Variants in RORA observed in about 807,000 individuals in gnomAD.
RORA encodes the protein RAR related orphan receptor A, also known as nuclear receptor ROR-alpha.
RORA carries 7 observed loss-of-function variants against 69.5 expected under a neutral mutation model. That is an observed-to-expected ratio of 0.10 (90% CI 0.06 to 0.19). The LOEUF (loss-of-function observed/expected upper bound fraction) is 0.19. Ranked by LOEUF, RORA falls within the 10% of genes least tolerant of loss-of-function variation. The pLI is 1.00. For synonymous variants in RORA, 261 were observed against 240.8 expected, an observed-to-expected ratio of 1.08 and a Z score of -0.78; for missense variants, 457 against 663.0, an observed-to-expected ratio of 0.69 and a Z score of 3.41.
At chr15:60,694,061 A>G (rs2070867863) in intron 1 of RORA, among the ~76,000 whole-genome samples, 1 of 152,228 alleles carries the variant, frequency 6.6e-6, no homozygotes, top group Non-Finnish European at 1.5e-5. Flanking sequence ...ACAAGGCTAC[A>G]GTAACCAAAA....
chr15:61,140,491 T>C (rs990975979), intron 1 of RORA, among the ~76,000 whole-genome samples: 4 of 152,172 alleles, frequency 2.6e-5, no homozygotes, highest in Non-Finnish European at 5.9e-5. Flanking sequence ...ACTTTTTAAT[T>C]GTTATCTGCT....
intron 1 of RORA, among the ~76,000 whole-genome samples, chr15:60,724,746 C>G (rs1403478157): frequency 1.3e-5 from 2 of 152,122 alleles, no homozygotes; most frequent in Non-Finnish European, 2.9e-5. Context: ...ATTTTGAGTA[C>G]CTGGAGGCAT....
At chr15:60,836,574 C>G (rs923362891) in intron 1 of RORA, among the ~76,000 whole-genome samples, 1 of 152,140 alleles carries the variant, frequency 6.6e-6, no homozygotes, top group Non-Finnish European at 1.5e-5. Context: ...GGTCTAAGCT[C>G]CCTCTCCGAT....
chr15:60,830,543 C>T (rs1219629752), intron 1 of RORA, among the ~76,000 whole-genome samples: 2 of 152,064 alleles, frequency 1.3e-5, no homozygotes, highest in Admixed American at 6.5e-5. Flanking sequence ...TTAATAAATC[C>T]CTAAATCACT....
At chr15:61,042,660 C>A (rs139378756) in intron 1 of RORA, among the ~76,000 whole-genome samples, 10 of 152,328 alleles carry the variant, frequency 6.6e-5, no homozygotes, top group African/African-American at 2.4e-4. Context: ...AACTCAATAG[C>A]GGATGATGCC....
intron 1 of RORA, among the ~76,000 whole-genome samples, chr15:61,152,294 G>A (rs1454826696): frequency 1.3e-5 from 2 of 152,030 alleles, no homozygotes; most frequent in Non-Finnish European, 2.9e-5. Context: ...TCAATGAAAA[G>A]AAGCTACTAG....
At chr15:61,211,297 A>AT (rs5813085) in intron 1 of RORA, among the ~76,000 whole-genome samples, 15,737 of 150,822 alleles carry the variant, frequency 0.1, 1,495 homozygotes, top group East Asian at 0.23. Context: ...AAAAAAAAAA[A>AT]AAAAAAGGAT....
At position 61,044,585 on chromosome 15, in the gene RORA, A is replaced by C. The variant is rs1896936752; in HGVS notation, c.166+184468T>G. Among the ~76,000 whole-genome samples, 3 of 152,240 alleles carry C rather than the reference A, an allele frequency of 2.0e-5. No individual in the cohort carries two copies. In the South Asian group the frequency reaches 6.2e-4, roughly 31 times the overall value. ...CTATTTTGGATATATTGAGTTAAAAAATGTATCTCCAAAATTAATTCCACC... is the reference window on the plus strand; with the variant it reads ...CTATTTTGGATATATTGAGTTAAAACATGTATCTCCAAAATTAATTCCACC... On this transcript the variant is annotated intron_variant, in intron 1 of 10. Coordinates refer to ENST00000335670, the MANE Select transcript of RORA (RefSeq NM_134261.3).
intron 1 of RORA, among the ~76,000 whole-genome samples, chr15:61,148,231 A>C (rs868193665): frequency 2.0e-5 from 3 of 152,152 alleles, no homozygotes; most frequent in Admixed American, 1.3e-4. Flanking sequence ...CTCAGAGTGG[A>C]AGGGAAACAG....
chr15:60,987,878 C>G (rs1894255326), intron 1 of RORA, among the ~76,000 whole-genome samples: 1 of 152,220 alleles, frequency 6.6e-6, no homozygotes, highest in African/African-American at 2.4e-5. Context: ...AACTGGCACT[C>G]TGATCTTGAA....
At chr15:60,684,097 CT>C (rs372353847) in intron 1 of RORA, among the ~76,000 whole-genome samples, 18 of 146,892 alleles carry the variant, frequency 1.2e-4, no homozygotes, top group Admixed American at 1.4e-4. Flanking sequence ...ACTTTTTTTT[CT>C]TTTTTTTTTA....
intron 1 of RORA, among the ~76,000 whole-genome samples, chr15:61,053,061 C>A (rs1025162578): frequency 1.3e-5 from 2 of 152,178 alleles, no homozygotes; most frequent in Non-Finnish European, 2.9e-5. Context: ...TAGCCAAATA[C>A]ATCACTCCTG....
intron 1 of RORA, among the ~76,000 whole-genome samples, chr15:60,793,465 A>G (rs2072446648): frequency 1.3e-5 from 2 of 152,242 alleles, no homozygotes; most frequent in African/African-American, 4.8e-5. Flanking sequence ...CCCAATGCAG[A>G]CAGAGGTAAG....
intron 1 of RORA, among the ~76,000 whole-genome samples, chr15:60,803,485 A>T (rs546214093): frequency 6.6e-6 from 1 of 152,344 alleles, no homozygotes; most frequent in East Asian, 1.9e-4. Context: ...CCTGCATGCA[A>T]CGTGCATGTC....
At chr15:61,168,591 G>A (rs1198394551) in intron 1 of RORA, among the ~76,000 whole-genome samples, 1 of 151,876 alleles carries the variant, frequency 6.6e-6, no homozygotes, top group African/African-American at 2.4e-5. Context: ...ATATTTTTAG[G>A]ATAAATAAAA....
intron 2 of RORA, among the ~76,000 whole-genome samples, chr15:60,623,666 G>A (rs1246462349): frequency 1.3e-5 from 2 of 152,268 alleles, no homozygotes; most frequent in Non-Finnish European, 2.9e-5. Context: ...TGTGGGCTCT[G>A]GTTACCGCTT....
At chr15:60,784,237 TTTGTTG>T (rs1371840762) in intron 1 of RORA, among the ~76,000 whole-genome samples, 1 of 152,162 alleles carries the variant, frequency 6.6e-6, no homozygotes, top group Non-Finnish European at 1.5e-5. Flanking sequence ...ATGGAGTTAT[TTTGTTG>T]TTGTTGTTGT....
rs551515685 is a variant in RORA at position 60,721,805 on chromosome 15, C to G, written c.167-43119G>C. Among the ~76,000 whole-genome samples the G allele has an allele frequency of 7.9e-5, 12 of 152,352 alleles. No homozygotes were observed. In the South Asian group the frequency reaches 2.5e-3, roughly 32 times the overall value. On this transcript the variant is annotated intron_variant, in intron 1 of 10. Transcript: ENST00000335670. ...AAAGTAAAACACTTTGCAATTTGAG[C>G]AAAGATTATTTCTGCAGAGGGTCAT...
intron 1 of RORA, among the ~76,000 whole-genome samples, chr15:60,683,622 T>C (rs1183237026): frequency 1.4e-5 from 2 of 144,282 alleles, no homozygotes; most frequent in Non-Finnish European, 3.0e-5. Context: ...GCTGTAAGAC[T>C]CCTTCTATTT....
Sources: allele counts gnomAD v4.1 joint callset (sites outside exome capture counted in the v4.1 genomes callset), GRCh38; gene constraint gnomAD v4.1.1; transcripts MANE v1.5; gene names NCBI Gene and HGNC (gene_info 2026-07-23, HGNC 2026-07-21).